Variants in KDM1B observed in about 807,000 individuals in gnomAD.
KDM1B encodes lysine-specific histone demethylase 2.
A neutral mutation model predicts 107.4 loss-of-function variants in KDM1B; 63 were observed. The ratio of observed to expected loss-of-function variants is 0.59; its 90% CI spans 0.48 to 0.72. KDM1B has a LOEUF of 0.72. KDM1B is among the 30% of genes least tolerant of loss of function. The pLI, the probability that KDM1B is intolerant of heterozygous loss-of-function variation, is 0.00. For missense variants in KDM1B, 749 were observed against 1,020.8 expected, an observed-to-expected ratio of 0.73 and a Z score of 3.63; for synonymous variants, 363 against 363.9, an observed-to-expected ratio of 1.00 and a Z score of 0.03.
chr6:18,190,871 G>C (rs943145955), intron 9 of KDM1B, among the ~76,000 whole-genome samples: 7 of 150,746 alleles, frequency 4.6e-5, no homozygotes, highest in African/African-American at 1.7e-4. Context: ...CTGCACTCCA[G>C]CCTGGGCAAC....
In KDM1B at chr6:18,214,692, C is replaced by CGGAGTT. The variant is rs1226398184; in HGVS notation, c.2110-315_2110-314insGGAGTT. On this transcript the variant is annotated intron_variant, in intron 19 of 21. Coordinates refer to ENST00000650836, the MANE Select transcript of KDM1B (RefSeq NM_001364614.2). This position sits in a 1 kb window ranked among gnomAD's most constrained non-coding sequence, Gnocchi z 4.4. ...TGGGAGGCCGAGGTGGGTGGATCAC[C>CGGAGTT]TGAGGTCAGGAGTTTGAGACCAGTC... 6.6e-6 allele frequency among the ~76,000 whole-genome samples: 1 copy of CGGAGTT among 152,024 alleles called. No homozygotes were observed. Among genetic ancestry groups the CGGAGTT allele is most frequent in the African/African-American group, 2.4e-5 (1 of 41,388 alleles).
chr6:18,222,057 TCA>T lies in KDM1B; in HGVS notation c.*66_*67del, dbSNP rs751402860. 19 of 1,429,494 alleles carry T rather than the reference TCA, an allele frequency of 1.3e-5. No homozygotes were observed. The highest frequency in any genetic ancestry group is 4.5e-5 in the East Asian group (2 of 43,986). The allele number at this position is 1,429,494 out of a possible 1,614,324, so 88.6% of individuals were successfully genotyped here. On this transcript the variant is annotated 3_prime_UTR_variant, in exon 22 of 22. Transcript: ENST00000650836. ...GGAAATTTGAATCACATGTTAAACC[TCA>T]GTTTTATAAGAGGGGGAAAAAACCG...
chr6:18,218,066 C>T (rs1200776862), intron 21 of KDM1B, among the ~76,000 whole-genome samples, 181 bp downstream of exon 21: 1 of 152,174 alleles, frequency 6.6e-6, no homozygotes, highest in Admixed American at 6.5e-5. Flanking sequence ...AACCTTCCAG[C>T]TATTCCTTCT....
intron 6 of KDM1B, among the ~76,000 whole-genome samples, chr6:18,169,378 G>A (rs1355440522): frequency 1.3e-5 from 2 of 151,192 alleles, no homozygotes; most frequent in African/African-American, 2.4e-5. Flanking sequence ...GGGATTACAG[G>A]CACCCGCCAC....
At position 18,213,415 on chromosome 6, in the gene KDM1B, A is replaced by T. The variant is rs553332203; in HGVS notation, c.1984-241A>T. On this transcript the variant is annotated intron_variant, in intron 18 of 21. Coordinates refer to ENST00000650836, the MANE Select transcript of KDM1B (RefSeq NM_001364614.2). This position sits in a 1 kb window ranked among gnomAD's most constrained non-coding sequence, Gnocchi z 5.9. ...CGCTCCATTGCACTCCCAGCTGGGC[A>T]ACAAGAGCGAAACTCCGTCTCAAAA... Among the ~76,000 whole-genome samples the T allele has an allele frequency of 2.4e-4, 37 of 151,730 alleles. No homozygotes were observed. In the South Asian group the frequency reaches 6.0e-3, roughly 25 times the overall value.
chr6:18,221,822 A>T, intron 21 of KDM1B, 87 bp from the exon 22 acceptor site: 1 of 1,047,408 alleles, frequency 9.5e-7, no homozygotes, highest in Non-Finnish European at 1.4e-6. Context: ...TCTTTATGTT[A>T]GACCAGATAA....
At chr6:18,171,775 T>G (rs573553602) in intron 7 of KDM1B, among the ~76,000 whole-genome samples, 1 of 152,302 alleles carries the variant, frequency 6.6e-6, no homozygotes, top group South Asian at 2.1e-4. Flanking sequence ...AACTTCATCC[T>G]GAAGGCCACA....
At chr6:18,165,291 T>C (rs1237527413) in intron 5 of KDM1B, among the ~76,000 whole-genome samples, 4 of 151,702 alleles carry the variant, frequency 2.6e-5, no homozygotes, top group African/African-American at 9.7e-5. Context: ...CTACCACACC[T>C]GGCTAATTTT....
intron 6 of KDM1B, among the ~76,000 whole-genome samples, chr6:18,168,845 T>A (rs1485896139): frequency 6.6e-6 from 1 of 152,188 alleles, no homozygotes; most frequent in East Asian, 1.9e-4. Context: ...TGGAGAAATA[T>A]CTGTTAACAT....
In KDM1B at chr6:18,205,032, C is replaced by G. The variant is rs1465004188; in HGVS notation, c.1532-505C>G. ...ATGGAGGCGGAGTGCTGACAAGATA[C>G]AAGCCCATAATGGAATATTCTTGTT... On this transcript the variant is annotated intron_variant, in intron 14 of 21. Transcript: ENST00000650836. This position sits in a 1 kb window ranked among gnomAD's most constrained non-coding sequence, Gnocchi z 5.7. Among the ~76,000 whole-genome samples the G allele has an allele frequency of 6.6e-6, 1 of 152,158 alleles. No individual in the cohort carries two copies. Among genetic ancestry groups the G allele is most frequent in the African/African-American group, 2.4e-5 (1 of 41,426 alleles).
At chr6:18,185,608 C>T (rs1320338953) in intron 7 of KDM1B, among the ~76,000 whole-genome samples, 164 bp from the exon 8 acceptor site, 2 of 152,168 alleles carry the variant, frequency 1.3e-5, no homozygotes, top group Admixed American at 6.6e-5. Context: ...AGGCGTGAGC[C>T]ACAGAGCCAG....
chr6:18,200,447 C>G lies in KDM1B; in HGVS notation c.1230C>G (p.Val410=), dbSNP rs149146200. 70 of 1,613,564 alleles carry G rather than the reference C, an allele frequency of 4.3e-5. No individual in the cohort carries two copies. Among genetic ancestry groups the G allele is most frequent in the Non-Finnish European group, 5.6e-5 (66 of 1,179,796 alleles). The change falls in exon 13 of 22, where the codon GTC becomes GTG. Residue 410 remains valine (V), a synonymous_variant. Transcript: ENST00000650836. The surrounding 1 kb of genome is among the most constrained non-coding windows in gnomAD (Gnocchi z 4.3). ...QLHNFGIKVT[V]LEAKDRIGGR... ...ACTGTCTGTCTTTTTAGGTGACTGT[C>G]CTGGAAGCCAAAGACAGAATTGGAG... is the stretch of plus-strand genomic sequence containing the variant.
In KDM1B at chr6:18,159,875, T is replaced by C; in HGVS notation, c.-13-8T>C. 6.8e-7 allele frequency: 1 copy of C among 1,476,266 alleles called. No individual in the cohort carries two copies. Among genetic ancestry groups the C allele is most frequent in the Non-Finnish European group, 9.4e-7 (1 of 1,060,142 alleles). The allele number at this position is 1,476,266 out of a possible 1,614,324, so 91.4% of individuals were successfully genotyped here. A position where few individuals can be genotyped will look rare whatever the true frequency, so the allele number is the denominator to read the frequency against. On this transcript the variant is annotated splice_polypyrimidine_tract_variant and splice_region_variant and intron_variant, in intron 2 of 21. Coordinates refer to ENST00000650836, the MANE Select transcript of KDM1B (RefSeq NM_001364614.2). This position sits in a 1 kb window ranked among gnomAD's most constrained non-coding sequence, Gnocchi z 4.5. ...CTAATATTTAATGGTCTGATTTTTC[T>C]TTTGCAGATTATTTAATGTAATGGC...
intron 20 of KDM1B, among the ~76,000 whole-genome samples, chr6:18,217,146 C>T (rs577183365): frequency 6.6e-6 from 1 of 152,198 alleles, no homozygotes; most frequent in African/African-American, 2.4e-5. Flanking sequence ...GTGATAGCCC[C>T]CAGTAGAGGG....
Position 18,172,141 on chromosome 6 carries a change from A to G in KDM1B, c.534+662A>G, listed in dbSNP as rs1253284475. On this transcript the variant is annotated intron_variant, in intron 7 of 21. Transcript: ENST00000650836. This position sits in a 1 kb window ranked among gnomAD's most constrained non-coding sequence, Gnocchi z 5.2. ...GCCGGATCCTATTAGTGAGGAAGAA[A>G]AGATTAATTGATATGCTTGGCAATT... Among the ~76,000 whole-genome samples the G allele has an allele frequency of 2.0e-5, 3 of 152,184 alleles. No individual in the cohort carries two copies. Among genetic ancestry groups the G allele is most frequent in the Admixed American group, 6.5e-5 (1 of 15,284 alleles).
rs140555838 is a variant in KDM1B, at chr6:18,211,139, TAGAG to T, written c.1867-1346_1867-1343del. 0.03 allele frequency among the ~76,000 whole-genome samples: 4,500 copies of T among 152,298 alleles called. 171 individuals carry two copies. Among genetic ancestry groups the T allele is most frequent in the African/African-American group, 0.091 (3,786 of 41,536 alleles). On this transcript the variant is annotated intron_variant, in intron 17 of 21. Coordinates refer to ENST00000650836, the MANE Select transcript of KDM1B (RefSeq NM_001364614.2). This position sits in a 1 kb window ranked among gnomAD's most constrained non-coding sequence, Gnocchi z 5.2. Reference sequence around the variant, plus strand: ...AAATAGATTATAAACTTCTTGATGATAGAGAGCATATTTTATACTTTATAAAAAT... The same window carrying T: ...AAATAGATTATAAACTTCTTGATGATAGCATATTTTATACTTTATAAAAAT...
chr6:18,217,491 G>A (rs1232370191), intron 20 of KDM1B, among the ~76,000 whole-genome samples: 3 of 150,666 alleles, frequency 2.0e-5, no homozygotes, highest in Non-Finnish European at 4.4e-5. Flanking sequence ...CCATTCTCCT[G>A]ACTCAGCCTC....
At chr6:18,220,695 G>A (rs983117822) in intron 21 of KDM1B, among the ~76,000 whole-genome samples, 3 of 152,084 alleles carry the variant, frequency 2.0e-5, no homozygotes, top group Non-Finnish European at 2.9e-5. Flanking sequence ...TCAGGCTACT[G>A]TGCCTTAGGG....
chr6:18,158,453 T>TA (rs1472292653), intron 2 of KDM1B, among the ~76,000 whole-genome samples: 1 of 152,172 alleles, frequency 6.6e-6, no homozygotes, highest in Non-Finnish European at 1.5e-5. Flanking sequence ...AAAGTACTCT[T>TA]ATGAATGTTA....
Sources: allele counts gnomAD v4.1 joint callset (sites outside exome capture counted in the v4.1 genomes callset), GRCh38; gene constraint gnomAD v4.1.1; non-coding constraint Gnocchi (gnomAD v3.1); transcripts MANE v1.5; gene names NCBI Gene and HGNC (gene_info 2026-07-23, HGNC 2026-07-21).